The following NGLY1 variants were observed in gnomAD, a reference collection of about 807,000 sequenced individuals.
NGLY1 encodes the protein N-glycanase 1.
In NGLY1, 68 loss-of-function variants were observed where a neutral mutation model predicts 84.6. The observed-to-expected ratio is 0.80, with a 90% CI of 0.66 to 0.98. NGLY1 has a LOEUF of 0.98. Ranked by LOEUF, NGLY1 falls within the 50% of genes least tolerant of loss-of-function variation. The pLI is 0.00. For missense variants in NGLY1, 779 were observed against 770.2 expected, an observed-to-expected ratio of 1.01 and a Z score of -0.14; for synonymous variants, 280 against 275.2, an observed-to-expected ratio of 1.02 and a Z score of -0.17.
rs1474736365 is a variant in NGLY1, at chr3:25,733,918, A to G, written c.1214T>C (p.Val405Ala). The G allele has an allele frequency of 7.4e-6, 12 of 1,613,738 alleles. No individual in the cohort carries two copies. Among genetic ancestry groups the G allele is most frequent in the Non-Finnish European group, 1.0e-5 (12 of 1,179,884 alleles). ...AGTGTCTCGAAGTAATGCTTCTTTA[A>G]CCTTAGTTCTTCTGGCAATCACCTC... ...HEEVIARRTK[V>A]KEALLRDTIN... Residue 405 changes from valine to alanine, a missense_variant, in exon 8 of 12, where the codon GTT (valine) becomes GCT (alanine). Transcript: ENST00000280700.
chr3:25,767,223 C>T (rs1462897464), intron 2 of NGLY1, among the ~76,000 whole-genome samples: 2 of 150,024 alleles, frequency 1.3e-5, no homozygotes, highest in South Asian at 4.2e-4. Context: ...ACCCAGGAGG[C>T]AGAGGTTGCA....
chr3:25,770,323 A>G (rs1707831190), intron 2 of NGLY1, among the ~76,000 whole-genome samples: 1 of 152,006 alleles, frequency 6.6e-6, no homozygotes, highest in African/African-American at 2.4e-5. Context: ...AAATTTTTGT[A>G]TTTTTAGTAG....
At chr3:25,761,770 GCATTATT>G (rs1707332919) in intron 3 of NGLY1, among the ~76,000 whole-genome samples, 1 of 152,088 alleles carries the variant, frequency 6.6e-6, no homozygotes, top group Non-Finnish European at 1.5e-5. Context: ...GTTCACAGCA[GCATTATT>G]CATAATAGGC....
At position 25,783,299 on chromosome 3, in the gene NGLY1, G is replaced by A. The variant is rs749651719; in HGVS notation, c.92C>T (p.Ala31Val). ...AGCATAGGTGAGCAGCAGCTTGGAG[G>A]CCTCCAAAAAGGTCTCCGGGGTGTT... is the stretch of plus-strand genomic sequence containing the variant. ...CQNTPETFLE[A>V]SKLLLTYADN... Residue 31 changes from alanine to valine, a missense_variant, in exon 1 of 12, where the codon GCC becomes GTC. Transcript: ENST00000280700. This position sits in a 1 kb window ranked among gnomAD's most constrained non-coding sequence, Gnocchi z 4.5. 6.2e-7 allele frequency: 1 copy of A among 1,608,976 alleles called. No homozygotes were observed. Among genetic ancestry groups the A allele is most frequent in the South Asian group, 1.1e-5 (1 of 90,514 alleles).
intron 4 of NGLY1, chr3:25,749,817 C>A: frequency 8.1e-7 from 1 of 1,237,450 alleles, no homozygotes; most frequent in Non-Finnish European, 1.2e-6. Context: ...AACTGCAAAG[C>A]CATCATGGAA....
chr3:25,778,697 A>C lies in NGLY1; in HGVS notation c.132-9T>G. The C allele has an allele frequency of 6.5e-7, 1 of 1,544,920 alleles. No individual in the cohort carries two copies. Among genetic ancestry groups the C allele is most frequent in the South Asian group, 1.2e-5 (1 of 84,092 alleles). On this transcript the variant is annotated splice_polypyrimidine_tract_variant and intron_variant, in intron 1 of 11. Transcript: ENST00000280700. The stretch of plus-strand genomic sequence containing the variant: ...TTTCATCATTAGGGTTTCTGACAAA[A>C]AACAAAAGTTTGATTATATATAAAA...
intron 2 of NGLY1, among the ~76,000 whole-genome samples, chr3:25,767,309 A>C (rs1293056552): frequency 6.6e-6 from 1 of 152,102 alleles, no homozygotes; most frequent in African/African-American, 2.4e-5. Context: ...AAAAAAAAGA[A>C]ATCAAAAAGA....
upstream of NGLY1, among the ~76,000 whole-genome samples, chr3:25,783,766 C>T (rs1708537727): frequency 6.6e-6 from 1 of 151,744 alleles, no homozygotes; most frequent in South Asian, 2.1e-4. The surrounding 1 kb of genome is among the most constrained non-coding windows in gnomAD (Gnocchi z 4.5). Flanking sequence ...GGGGCCTGGT[C>T]GTACAGGTTG....
intron 4 of NGLY1, among the ~76,000 whole-genome samples, chr3:25,745,193 C>T (rs113774450): frequency 5.5e-4 from 84 of 152,324 alleles, no homozygotes; most frequent in African/African-American, 1.9e-3. Context: ...AGGGTTGTCA[C>T]TAACTTGTGG....
chr3:25,764,370 T>A, intron 2 of NGLY1, 59 bp from the exon 3 acceptor site: 1 of 1,533,840 alleles, frequency 6.5e-7, no homozygotes, highest in South Asian at 1.2e-5. Context: ...CATTCTTTTG[T>A]GCACACACAC....
At chr3:25,749,244 TG>T (rs773738237) in intron 4 of NGLY1, among the ~76,000 whole-genome samples, 9 of 152,168 alleles carry the variant, frequency 5.9e-5, no homozygotes, top group Non-Finnish European at 1.3e-4. Flanking sequence ...CACTTCTGGG[TG>T]TATACCAAAA....
chr3:25,737,264 C>A, intron 6 of NGLY1, 70 bp downstream of exon 6: 1 of 1,329,852 alleles, frequency 7.5e-7, no homozygotes. Context: ...GAATCATGGG[C>A]TCAGAATGTA....
At chr3:25,745,783 TCTTC>T (rs1345230719) in intron 4 of NGLY1, among the ~76,000 whole-genome samples, 1 of 152,214 alleles carries the variant, frequency 6.6e-6, no homozygotes, top group African/African-American at 2.4e-5. Flanking sequence ...ACTAGATTAA[TCTTC>T]CTTAAATACA....
intron 10 of NGLY1, among the ~76,000 whole-genome samples, chr3:25,722,208 CTCTG>C (rs1330286457): frequency 6.7e-6 from 1 of 150,134 alleles, no homozygotes; most frequent in Non-Finnish European, 1.5e-5. Flanking sequence ...CAGAGCGAGA[CTCTG>C]TCTAAAAAAA....
intron 6 of NGLY1, chr3:25,736,625 T>C (rs1001460363): frequency 2.6e-6 from 1 of 388,590 alleles, no homozygotes; most frequent in African/African-American, 2.1e-5. Flanking sequence ...CTTTAGAAAA[T>C]GGAAACACAA....
chr3:25,778,788 G>T, intron 1 of NGLY1, 100 bp from the exon 2 acceptor site: 1 of 543,434 alleles, frequency 1.8e-6, no homozygotes, highest in South Asian at 3.3e-5. Context: ...TACCTTTATA[G>T]TCACCTGATT....
chr3:25,753,791 G>C (rs1706885720), intron 3 of NGLY1, among the ~76,000 whole-genome samples: 1 of 151,998 alleles, frequency 6.6e-6, no homozygotes, highest in Admixed American at 6.6e-5. Context: ...ACAAAATAAG[G>C]TATCAGAAAT....
intron 4 of NGLY1, 125 bp downstream of exon 4, chr3:25,750,973 T>A (rs937121972): frequency 7.1e-5 from 65 of 909,972 alleles, no homozygotes; most frequent in Non-Finnish European, 1.0e-4. Context: ...TTTAAAAGAA[T>A]CCACATATAA....
rs1011961935 is a variant in NGLY1, at chr3:25,783,142, G to C, written c.131+118C>G. 1 of 943,032 alleles carries C rather than the reference G, an allele frequency of 1.1e-6. No homozygotes were observed. The highest frequency in any genetic ancestry group is 1.6e-6 in the Non-Finnish European group (1 of 633,122). The allele number at this position is 943,032 out of a possible 1,614,324, so 58.4% of individuals were successfully genotyped here. ...AGGAGCAGAACCAGCTCCAGGTCCC[G>C]GTCTGTCCGGGCGTCGCTGCCCTCT... On this transcript the variant is annotated intron_variant, in intron 1 of 11. Coordinates refer to ENST00000280700, the MANE Select transcript of NGLY1 (RefSeq NM_018297.4). This position sits in a 1 kb window ranked among gnomAD's most constrained non-coding sequence, Gnocchi z 4.5.
Sources: gnomAD v4.1 joint callset for allele counts (sites outside exome capture counted in the v4.1 genomes callset) on GRCh38, gnomAD v4.1.1 for gene constraint, Gnocchi (gnomAD v3.1) non-coding constraint, MANE v1.5 for transcripts, NCBI Gene and HGNC (gene_info 2026-07-23, HGNC 2026-07-21) for gene names.